Variants in C2orf76 observed in about 807,000 individuals in gnomAD.
The protein encoded by C2orf76 is chromosome 2 open reading frame 76.
C2orf76 carries 23 observed loss-of-function variants against 16.9 expected under a neutral mutation model. The ratio of observed to expected loss-of-function variants is 1.36; its 90% CI spans 0.98 to 1.93. C2orf76 has a LOEUF of 1.93. Among genes scored for constraint, C2orf76 ranks in the 30% most tolerant of loss-of-function variants. The pLI is 0.00. For synonymous variants in C2orf76, 48 were observed against 52.3 expected (o/e 0.92, Z 0.35); for missense variants, 152 against 152.6 (o/e 1.00, Z 0.02).
chr2:119,310,550 CA>C (rs745428593), intron 5 of C2orf76, among the ~76,000 whole-genome samples: 3 of 149,654 alleles, frequency 2.0e-5, no homozygotes, highest in Non-Finnish European at 3.0e-5. Context: ...TAATACTTGT[CA>C]AAAAAAAAAT....
At chr2:119,340,797 C>T in intron 1 of C2orf76, among the ~76,000 whole-genome samples, 1 of 126,160 alleles carries the variant, frequency 7.9e-6, no homozygotes, top group South Asian at 2.4e-4. Flanking sequence ...CACACACACA[C>T]ACACAAATTG....
At chr2:119,336,312 C>G (rs1431630313) in intron 2 of C2orf76, among the ~76,000 whole-genome samples, 1 of 151,992 alleles carries the variant, frequency 6.6e-6, no homozygotes, top group South Asian at 2.1e-4. Context: ...AGAATCGCTT[C>G]AATTCAGGAG....
chr2:119,351,019 T>C (rs919187891), intron 1 of C2orf76, among the ~76,000 whole-genome samples: 1 of 152,214 alleles, frequency 6.6e-6, no homozygotes, highest in South Asian at 2.1e-4. Context: ...TTGTTGGTAG[T>C]AGTTATGGTT....
chr2:119,362,935 A>C (rs554326105), intron 1 of C2orf76, among the ~76,000 whole-genome samples: 3 of 152,286 alleles, frequency 2.0e-5, no homozygotes, highest in African/African-American at 7.2e-5. Context: ...CAAAGGAAGG[A>C]GAGGGTAGGA....
chr2:119,301,591 T>C (rs1460949621), downstream of C2orf76, among the ~76,000 whole-genome samples: 1 of 152,124 alleles, frequency 6.6e-6, no homozygotes, highest in Non-Finnish European at 1.5e-5. Context: ...CAGGGAGCAA[T>C]GGCAGAGCTA....
At chr2:119,356,560 C>T (rs1216971654) in intron 1 of C2orf76, among the ~76,000 whole-genome samples, 2 of 151,558 alleles carry the variant, frequency 1.3e-5, no homozygotes, top group African/African-American at 4.8e-5. Flanking sequence ...GAAAAAGTCT[C>T]AAGTCAATAA....
At chr2:119,308,483 A>G (rs753798471) in intron 5 of C2orf76, among the ~76,000 whole-genome samples, 59 of 152,306 alleles carry the variant, frequency 3.9e-4, no homozygotes, top group Middle Eastern at 3.4e-3. Context: ...CTACTAAAAA[A>G]TACAAAAATT....
chr2:119,295,922 A>C, the C2orf76 span, among the ~76,000 whole-genome samples: 3 of 152,194 alleles, frequency 2.0e-5, no homozygotes, highest in Non-Finnish European at 4.4e-5. Flanking sequence ...CTGTATGTTT[A>C]AGTCATGACA....
chr2:119,313,610 C>T (rs13012205), intron 4 of C2orf76, among the ~76,000 whole-genome samples: 25,983 of 151,766 alleles, frequency 0.17, 2,656 homozygotes, highest in Middle Eastern at 0.3. Flanking sequence ...AAACAAAAAA[C>T]AAAGAATAAG....
intron 2 of C2orf76, among the ~76,000 whole-genome samples, chr2:119,324,507 C>T (rs535558674): frequency 6.6e-6 from 1 of 152,312 alleles, no homozygotes; most frequent in East Asian, 1.9e-4. Context: ...AACAAATTAT[C>T]ACAAACTGCT....
chr2:119,361,628 T>C (rs1173575594), intron 1 of C2orf76, among the ~76,000 whole-genome samples: 1 of 152,164 alleles, frequency 6.6e-6, no homozygotes, highest in African/African-American at 2.4e-5. Context: ...CATCATTTTA[T>C]ATAAGGGACT....
At chr2:119,331,813 C>G (rs1450642656) in intron 2 of C2orf76, among the ~76,000 whole-genome samples, 1 of 152,196 alleles carries the variant, frequency 6.6e-6, no homozygotes, top group Non-Finnish European at 1.5e-5. Context: ...TCCATCTTGG[C>G]TGAAAGCAAA....
downstream of C2orf76, chr2:119,302,199 A>T (rs986496593): frequency 4.0e-6 from 1 of 247,608 alleles, no homozygotes; most frequent in African/African-American, 2.2e-5. Context: ...AAAACAAATT[A>T]TAATTTAAGA....
At chr2:119,356,682 C>A (rs1680581641) in intron 1 of C2orf76, among the ~76,000 whole-genome samples, 1 of 149,292 alleles carries the variant, frequency 6.7e-6, no homozygotes, top group African/African-American at 2.5e-5. Flanking sequence ...AACAGAAAAA[C>A]AATAGAAAAT....
chr2:119,311,726 G>A, intron 4 of C2orf76, 23 bp from the exon 5 acceptor site: 1 of 1,577,746 alleles, frequency 6.3e-7, no homozygotes, highest in Non-Finnish European at 8.6e-7. Flanking sequence ...AAGAAAATCT[G>A]CATTTTATCA....
At chr2:119,310,638 G>A (rs1003498781) in intron 5 of C2orf76, among the ~76,000 whole-genome samples, 3 of 152,124 alleles carry the variant, frequency 2.0e-5, no homozygotes, top group East Asian at 1.9e-4. Context: ...ATGTGAGGCC[G>A]AGGCAGGCAG....
At chr2:119,367,080 A>G (rs1350161835), upstream of C2orf76, 1 of 1,613,716 alleles carries the variant, frequency 6.2e-7, no homozygotes. Flanking sequence ...GTGCACAGCC[A>G]GGCTGCGAAG....
At position 119,327,177 on chromosome 2, in the gene C2orf76, T is replaced by G. The variant is rs539297144; in HGVS notation, c.134-5973A>C. On this transcript the variant is annotated intron_variant, in intron 2 of 5. Transcript: ENST00000334816. Reference sequence around the variant, plus strand: ...AGTCTTTCACCATTAAGCATGATGTTAGGCAACAGTTTTTCATACTCTTCA... The same window carrying G: ...AGTCTTTCACCATTAAGCATGATGTGAGGCAACAGTTTTTCATACTCTTCA... Among the ~76,000 whole-genome samples, 3 of 152,280 alleles carry G rather than the reference T, an allele frequency of 2.0e-5. No homozygotes were observed. In the East Asian group the frequency reaches 5.8e-4, roughly 29 times the overall value.
Position 119,321,140 on chromosome 2 carries a change from A to T in C2orf76, c.184+14T>A, listed in dbSNP as rs1187044736. ...GTATTTATATATATTTTAAAAGAAT[A>T]AAAAAATGGTTACCATATTTATAAT... On this transcript the variant is annotated intron_variant, in intron 3 of 5. Coordinates refer to ENST00000334816, the MANE Select transcript of C2orf76 (RefSeq NM_001322331.2). 1 of 1,342,458 alleles carries T rather than the reference A, an allele frequency of 7.4e-7. No individual in the cohort carries two copies. The allele number at this position is 1,342,458 out of a possible 1,614,324, so 83.2% of individuals were successfully genotyped here. A position where few individuals can be genotyped will look rare whatever the true frequency, so the allele number is the denominator to read the frequency against.
Sources: gnomAD v4.1 joint callset for allele counts (sites outside exome capture counted in the v4.1 genomes callset) on GRCh38, gnomAD v4.1.1 for gene constraint, MANE v1.5 for transcripts, NCBI Gene and HGNC (gene_info 2026-07-23, HGNC 2026-07-21) for gene names.